AGBL2: variants seen among roughly 807,000 people sequenced by gnomAD.
The protein encoded by AGBL2 is AGBL carboxypeptidase 2, also known as cytosolic carboxypeptidase 2.
Under a neutral mutation model 103.0 loss-of-function variants are expected in AGBL2, and 87 were observed. That is an observed-to-expected ratio of 0.84 (90% CI 0.71 to 1.01). The LOEUF (loss-of-function observed/expected upper bound fraction) is 1.01. Ranked by LOEUF, AGBL2 falls within the 50% of genes least tolerant of loss-of-function variation. The pLI is 0.00. For synonymous variants in AGBL2, 335 were observed against 356.7 expected, an observed-to-expected ratio of 0.94 and a Z score of 0.69; for missense variants, 904 against 1,023.5, an observed-to-expected ratio of 0.88 and a Z score of 1.59.
At chr11:47,661,557 C>T (rs144138069) in intron 18 of AGBL2, among the ~76,000 whole-genome samples, 307 of 152,218 alleles carry the variant, frequency 2.0e-3, no homozygotes, top group Middle Eastern at 0.014. Flanking sequence ...ATGAGAGCAT[C>T]AGTGCAAGAA....
chr11:47,685,732 TC>T (rs1384047589), intron 11 of AGBL2, among the ~76,000 whole-genome samples, 160 bp downstream of exon 11: 2 of 152,032 alleles, frequency 1.3e-5, no homozygotes, highest in African/African-American at 4.8e-5. Flanking sequence ...CCACAGCAAT[TC>T]TTAAAACCAC....
chr11:47,665,423 T>C (rs1214981144), intron 17 of AGBL2, among the ~76,000 whole-genome samples: 1 of 152,032 alleles, frequency 6.6e-6, no homozygotes, highest in Non-Finnish European at 1.5e-5. Context: ...CTCAAACTTC[T>C]GGACTCAAGC....
At position 47,668,956 on chromosome 11, in the gene AGBL2, C is replaced by T. The variant is rs368341488; in HGVS notation, c.2148-49G>A. Reference sequence around the variant, plus strand: ...GAGGAAATAACTGTCATTGATATGTCTAGGAAGCATAACATTTACCAGACC... The same window carrying T: ...GAGGAAATAACTGTCATTGATATGTTTAGGAAGCATAACATTTACCAGACC... On this transcript the variant is annotated intron_variant, in intron 14 of 18. Coordinates refer to ENST00000525123, the MANE Select transcript of AGBL2 (RefSeq NM_024783.4). The T allele has an allele frequency of 4.0e-5, 53 of 1,332,930 alleles. No individual in the cohort carries two copies. The Middle Eastern group carries it at 8.9e-4, about 22-fold the overall frequency. 82.6% of individuals were successfully genotyped at this position (1,332,930 alleles called of 1,614,324 possible). A position where few individuals can be genotyped will look rare whatever the true frequency, so the allele number is the denominator to read the frequency against.
rs191796950 is a variant in AGBL2, at chr11:47,708,481, A to G, written c.232+1896T>C. On this transcript the variant is annotated intron_variant, in intron 4 of 18. Transcript: ENST00000525123. Reference sequence around the variant, plus strand: ...TTTTTTTTAGTTTGTCCTTTACTTTATCAATGGTATTTTTTCCAAAGAGAA... The same window carrying G: ...TTTTTTTTAGTTTGTCCTTTACTTTGTCAATGGTATTTTTTCCAAAGAGAA... 6.2e-3 allele frequency among the ~76,000 whole-genome samples: 939 copies of G among 150,710 alleles called. 8 individuals are homozygous for G. The highest frequency in any genetic ancestry group is 0.01 in the Middle Eastern group (3 of 294).
intron 11 of AGBL2, among the ~76,000 whole-genome samples, chr11:47,682,474 A>C (rs572634053): frequency 3.9e-5 from 6 of 152,088 alleles, no homozygotes; most frequent in Non-Finnish European, 8.8e-5. Flanking sequence ...AGAATTTTGC[A>C]GGAATTGGTT....
In AGBL2 at chr11:47,690,512, T is replaced by C. The variant is rs2097440791; in HGVS notation, c.1195A>G (p.Thr399Ala). 1 of 1,614,126 alleles carries C rather than the reference T, an allele frequency of 6.2e-7. No individual in the cohort carries two copies. Among genetic ancestry groups the C allele is most frequent in the Non-Finnish European group, 8.5e-7 (1 of 1,180,016 alleles). ...TCFFAHFYPY[T>A]YTDLQCYLLS... The stretch of plus-strand genomic sequence containing the variant: ...AGGTAGCATTGCAAATCAGTGTATG[T>C]ATATGGGTAGAAGTGTGCAAAGAAG... The change falls in exon 10 of 19, where the codon ACA becomes GCA. Residue 399 changes from threonine (T) to alanine (A), a missense_variant. By Grantham distance (58) the Thr-to-Ala change is moderately conservative. Transcript: ENST00000525123.
At chr11:47,708,812 C>CA (rs1237555094) in intron 4 of AGBL2, among the ~76,000 whole-genome samples, 3,989 of 111,262 alleles carry the variant, frequency 0.036, 144 homozygotes, top group African/African-American at 0.1. Flanking sequence ...GACTCTGTCT[C>CA]AAAAAAAAAA....
intron 11 of AGBL2, among the ~76,000 whole-genome samples, chr11:47,685,054 A>C (rs2097418543): frequency 7.7e-6 from 1 of 129,250 alleles, no homozygotes; most frequent in Admixed American, 7.5e-5. Flanking sequence ...TAAAAGTACA[A>C]AAAAATTTAG....
chr11:47,700,282 TAA>T (rs1204972467), intron 7 of AGBL2, among the ~76,000 whole-genome samples: 2 of 152,114 alleles, frequency 1.3e-5, no homozygotes, highest in African/African-American at 4.8e-5. Context: ...ACACTGAATT[TAA>T]AAAGATTTCT....
chr11:47,710,195 A>G lies in AGBL2; in HGVS notation c.232+182T>C, dbSNP rs1230423708. ...TGATCACCATGCCCGGCTAGAAAAT[A>G]CAGTATTTTGATTTAAACCTGTAAT... On this transcript the variant is annotated intron_variant, in intron 4 of 18. Coordinates refer to ENST00000525123, the MANE Select transcript of AGBL2 (RefSeq NM_024783.4). The G allele has an allele frequency of 7.0e-6, 5 of 712,648 alleles. No homozygotes were observed. The South Asian group carries it at 9.5e-5, about 14-fold the overall frequency. 44.1% of individuals were successfully genotyped at this position (712,648 alleles called of 1,614,324 possible).
chr11:47,679,058 C>CAAAAAAAAAAAAAAAAAAAA lies in AGBL2; in HGVS notation c.2016+895_2016+914dup, dbSNP rs56307962. Among the ~76,000 whole-genome samples, 2 of 28,190 alleles carry CAAAAAAAAAAAAAAAAAAAA rather than the reference C, an allele frequency of 7.1e-5. 1 individual carries two copies. The highest frequency in any genetic ancestry group is 1.1e-4 in the Non-Finnish European group (2 of 18,704). The allele number at this position is 28,190 out of a possible 152,430, so 18.5% of individuals were successfully genotyped here. A position where few individuals can be genotyped will look rare whatever the true frequency, so the allele number is the denominator to read the frequency against. On this transcript the variant is annotated intron_variant, in intron 13 of 18. Transcript: ENST00000525123. ...TGGGCGACAGATGGAGACCCTGTCT[C>CAAAAAAAAAAAAAAAAAAAA]AAAAAAAAAAAAAAAAAAAAAAAAA...
chr11:47,671,155 C>G (rs937786458), intron 14 of AGBL2, among the ~76,000 whole-genome samples: 1 of 152,216 alleles, frequency 6.6e-6, no homozygotes, highest in Admixed American at 6.6e-5. Flanking sequence ...ATATTTTCCC[C>G]TTTCCTGGGG....
At chr11:47,695,389 C>T (rs911899207) in intron 8 of AGBL2, among the ~76,000 whole-genome samples, 11 of 148,356 alleles carry the variant, frequency 7.4e-5, no homozygotes, top group African/African-American at 2.5e-4. Flanking sequence ...GCAGGAGAAT[C>T]GCTTGAACCT....
In AGBL2 at chr11:47,704,649, A is replaced by T. The variant is rs746829178; in HGVS notation, c.480T>A (p.Leu160=). The T allele has an allele frequency of 1.2e-6, 2 of 1,614,070 alleles. No homozygotes were observed. The highest frequency in any genetic ancestry group is 1.7e-6 in the Non-Finnish European group (2 of 1,180,002). The part of the protein sequence containing the change: ...YDELDEVNPR[L]REPQELFSIL... ...TGGAAAAGAGCTCTTGGGGTTCTCGAAGACGTGGGTTTACTTCATCCAACT... is the reference window on the plus strand; with the variant it reads ...TGGAAAAGAGCTCTTGGGGTTCTCGTAGACGTGGGTTTACTTCATCCAACT... The change falls in exon 7 of 19, where the codon CTT becomes CTA. Residue 160 remains leucine (L), a synonymous_variant. Transcript: ENST00000525123.
At chr11:47,706,497 C>T (rs148981855) in intron 4 of AGBL2, among the ~76,000 whole-genome samples, 6,312 of 151,574 alleles carry the variant, frequency 0.042, 197 homozygotes, top group Middle Eastern at 0.075. Context: ...GCCTGGGGCA[C>T]AGAGCAAGAC....
intron 8 of AGBL2, among the ~76,000 whole-genome samples, chr11:47,698,480 A>G (rs2097485719): frequency 6.6e-6 from 1 of 152,024 alleles, no homozygotes; most frequent in Admixed American, 6.6e-5. Flanking sequence ...CCACATTCTT[A>G]TTTTTATTAC....
chr11:47,693,713 T>C (rs937087042), intron 8 of AGBL2, among the ~76,000 whole-genome samples: 1 of 152,194 alleles, frequency 6.6e-6, no homozygotes, highest in Non-Finnish European at 1.5e-5. Context: ...TACAATTCCA[T>C]ATAAATTTGA....
intron 4 of AGBL2, among the ~76,000 whole-genome samples, chr11:47,709,217 T>C (rs1000715829): frequency 6.6e-6 from 1 of 151,542 alleles, no homozygotes; most frequent in Non-Finnish European, 1.5e-5. Flanking sequence ...GATTTGCATA[T>C]AAAAAACACT....
At chr11:47,713,885 G>A (rs773820675) in intron 3 of AGBL2, among the ~76,000 whole-genome samples, 5 of 151,876 alleles carry the variant, frequency 3.3e-5, no homozygotes, top group Non-Finnish European at 7.4e-5. Context: ...CACCGTGCCC[G>A]GCCGCCAATT....
Sources: allele counts gnomAD v4.1 joint callset (sites outside exome capture counted in the v4.1 genomes callset), GRCh38; gene constraint gnomAD v4.1.1; transcripts MANE v1.5; gene names NCBI Gene and HGNC (gene_info 2026-07-23, HGNC 2026-07-21).